The following KLHL1 variants were observed in gnomAD, a reference collection of about 807,000 sequenced individuals.
The protein encoded by KLHL1 is kelch-like protein 1.
A neutral mutation model predicts 77.7 loss-of-function variants in KLHL1; 47 were observed. The observed-to-expected ratio is 0.60, with a 90% CI of 0.48 to 0.77. The LOEUF (loss-of-function observed/expected upper bound fraction) is 0.77. Among genes scored for constraint, KLHL1 ranks in the 30% least tolerant of loss-of-function variants. The probability of loss-of-function intolerance (pLI) is 0.00; values close to 1 mark genes in which losing one functional copy is unlikely to be tolerated. For missense variants in KLHL1, 925 were observed against 910.8 expected (o/e 1.02, Z -0.20); for synonymous variants, 360 against 325.2 (o/e 1.11, Z -1.15).
At position 69,988,025 on chromosome 13, in the gene KLHL1, G is replaced by A. The variant is rs995521523; in HGVS notation, c.498-12223C>T. 2.6e-5 allele frequency among the ~76,000 whole-genome samples: 4 copies of A among 151,616 alleles called. No individual in the cohort carries two copies. The East Asian group carries it at 5.8e-4, about 22-fold the overall frequency. ...TGTTATAGAGGCGAACTCATGACTC[G>A]AGGGTTTTGTGTACAGGTTATTTTG... On this transcript the variant is annotated intron_variant, in intron 1 of 10. Coordinates refer to ENST00000377844, the MANE Select transcript of KLHL1 (RefSeq NM_020866.3).
intron 7 of KLHL1, among the ~76,000 whole-genome samples, chr13:69,776,788 G>T (rs190548960): frequency 2.8e-3 from 431 of 152,230 alleles, no homozygotes; most frequent in Non-Finnish European, 4.5e-3. Flanking sequence ...AGAAATTGAG[G>T]TGGTAACTTC....
intron 9 of KLHL1, among the ~76,000 whole-genome samples, chr13:69,712,303 G>A (rs1319453769): frequency 3.3e-5 from 5 of 151,164 alleles, no homozygotes; most frequent in Non-Finnish European, 2.9e-5. Context: ...TATTCTAACA[G>A]CTTTATTGTT....
chr13:69,770,690 A>AGTAATAAATATCTCT (rs1875521877), intron 7 of KLHL1, among the ~76,000 whole-genome samples: 1 of 152,204 alleles, frequency 6.6e-6, no homozygotes, highest in South Asian at 2.1e-4. Context: ...GGAAGTCTAA[A>AGTAATAAATATCTCT]GTAATAAATA....
chr13:69,973,604 T>C (rs2137288896), intron 2 of KLHL1, among the ~76,000 whole-genome samples: 1 of 152,012 alleles, frequency 6.6e-6, no homozygotes, highest in East Asian at 1.9e-4. Context: ...AGTTTATTAC[T>C]AATGATTATT....
At chr13:70,101,458 C>A (rs1333241112) in intron 1 of KLHL1, among the ~76,000 whole-genome samples, 1 of 151,922 alleles carries the variant, frequency 6.6e-6, no homozygotes, top group Non-Finnish European at 1.5e-5. Flanking sequence ...GACGAAGTCT[C>A]GCTCTTGTCC....
chr13:69,702,926 T>C (rs61118704), intron 10 of KLHL1, among the ~76,000 whole-genome samples: 9 of 151,690 alleles, frequency 5.9e-5, no homozygotes, highest in Admixed American at 5.3e-4. Flanking sequence ...GTTATCTCCA[T>C]GAGAGAGATG....
intron 7 of KLHL1, among the ~76,000 whole-genome samples, chr13:69,750,878 A>T (rs955166714): frequency 1.3e-5 from 2 of 152,012 alleles, no homozygotes; most frequent in African/African-American, 2.4e-5. Flanking sequence ...TCACCTGGGA[A>T]CCTTTGAAAA....
At chr13:69,971,888 C>T (rs924754436) in intron 2 of KLHL1, among the ~76,000 whole-genome samples, 1 of 151,992 alleles carries the variant, frequency 6.6e-6, no homozygotes, top group African/African-American at 2.4e-5. Flanking sequence ...TTAATTAGTG[C>T]AAAGAAAGAT....
chr13:69,867,891 T>C (rs2026394), intron 5 of KLHL1, among the ~76,000 whole-genome samples: 137,901 of 146,172 alleles, frequency 0.94, 65,202 homozygotes, highest in South Asian at 0.99. Flanking sequence ...TTAGGAGATA[T>C]ACCTAATGTT....
chr13:69,882,374 A>G lies in KLHL1; in HGVS notation c.1136T>C (p.Leu379Ser), dbSNP rs1255134082. 6.2e-7 allele frequency: 1 copy of G among 1,612,698 alleles called. No homozygotes were observed. Among genetic ancestry groups the G allele is most frequent in the Non-Finnish European group, 8.5e-7 (1 of 1,178,750 alleles). The change falls in exon 5 of 11, where the codon TTG (leucine) becomes TCG (serine). Residue 379 changes from leucine to serine, a missense_variant. Physicochemically the swap from Leu to Ser is moderately radical, Grantham distance 145 (BLOSUM62 -2). Coordinates refer to ENST00000377844, the MANE Select transcript of KLHL1 (RefSeq NM_020866.3). ...CATGTCATACTTGACCCACATCATCAATGCATGGAAGATGGTTTCTTCATC... is the reference window on the plus strand; with the variant it reads ...CATGTCATACTTGACCCACATCATCGATGCATGGAAGATGGTTTCTTCATC... ...VPDEETIFHA[L>S]MMWVKYDMQS...
intron 2 of KLHL1, 62 bp from the exon 3 acceptor site, chr13:69,961,506 C>T: frequency 6.4e-7 from 1 of 1,564,608 alleles, no homozygotes; most frequent in Non-Finnish European, 8.8e-7. Flanking sequence ...ACTGTGTCAA[C>T]CAGAATGCAA....
rs1277738387 is a variant in KLHL1, at chr13:69,740,480, C to G, written c.1716G>C (p.Arg572Ser). 1 of 1,613,024 alleles carries G rather than the reference C, an allele frequency of 6.2e-7. No homozygotes were observed. The highest frequency in any genetic ancestry group is 8.5e-7 in the Non-Finnish European group (1 of 1,179,196). The stretch of plus-strand genomic sequence containing the variant: ...TCCATTGTTGACTCTGTGGATCCCA[C>G]CTTTCCACTGTATTCAGATAGCTCC... ...DGWSYLNTVERWDPQSQQWTF... is the reference protein window; with the variant it reads ...DGWSYLNTVESWDPQSQQWTF... Residue 572 changes from arginine (R) to serine (S), a missense_variant, in exon 8 of 11, where the codon AGG (arginine) becomes AGC (serine). By Grantham distance (110) the Arg-to-Ser change is moderately radical. Coordinates refer to ENST00000377844, the MANE Select transcript of KLHL1 (RefSeq NM_020866.3).
Position 69,754,517 on chromosome 13 carries a change from C to T in KLHL1, c.1640-13961G>A, listed in dbSNP as rs573266296. 6.3e-4 allele frequency among the ~76,000 whole-genome samples: 96 copies of T among 152,172 alleles called. 1 individual carries two copies. In the Middle Eastern group the frequency reaches 0.01, roughly 16 times the overall value. ...TCATATGAAAATTGTTATTATTATA[C>T]ATCTTCCAAATTTTAATATTTTACT... On this transcript the variant is annotated intron_variant, in intron 7 of 10. Coordinates refer to ENST00000377844, the MANE Select transcript of KLHL1 (RefSeq NM_020866.3).
chr13:69,773,012 G>T (rs1875649272), intron 7 of KLHL1, among the ~76,000 whole-genome samples: 1 of 151,890 alleles, frequency 6.6e-6, no homozygotes. Context: ...GAGTGAGAAA[G>T]CATTTGATGT....
chr13:69,718,934 G>T (rs1049761994), intron 9 of KLHL1, among the ~76,000 whole-genome samples: 1 of 151,802 alleles, frequency 6.6e-6, no homozygotes, highest in Non-Finnish European at 1.5e-5. Context: ...AGTTTGAAAG[G>T]GTAGTAAAAC....
chr13:70,066,550 ACT>A (rs1887011268), intron 1 of KLHL1, among the ~76,000 whole-genome samples: 1 of 152,054 alleles, frequency 6.6e-6, no homozygotes, highest in Non-Finnish European at 1.5e-5. Flanking sequence ...GGAATCAGAA[ACT>A]CTGTTTACTA....
chr13:69,787,382 T>C (rs976323923), intron 7 of KLHL1, among the ~76,000 whole-genome samples: 8 of 152,090 alleles, frequency 5.3e-5, no homozygotes, highest in African/African-American at 1.9e-4. Context: ...TGATCTTCAA[T>C]AAACCTGACA....
intron 2 of KLHL1, among the ~76,000 whole-genome samples, chr13:69,968,170 C>A (rs1452065961): frequency 6.6e-6 from 1 of 151,846 alleles, no homozygotes; most frequent in Non-Finnish European, 1.5e-5. Context: ...CGAGTTAAGA[C>A]CCATCACTAG....
At chr13:69,976,574 C>T (rs1377649195) in intron 1 of KLHL1, among the ~76,000 whole-genome samples, 2 of 151,900 alleles carry the variant, frequency 1.3e-5, no homozygotes, top group African/African-American at 4.8e-5. Flanking sequence ...TGATAAAGCC[C>T]AGCAGACCCA....
Sources: gnomAD v4.1 joint callset for allele counts (sites outside exome capture counted in the v4.1 genomes callset) on GRCh38, gnomAD v4.1.1 for gene constraint, MANE v1.5 for transcripts, NCBI Gene and HGNC (gene_info 2026-07-23, HGNC 2026-07-21) for gene names.